AKAP9: variants seen among roughly 807,000 people sequenced by gnomAD.
AKAP9 encodes the protein A-kinase anchor protein 9.
Under a neutral mutation model 488.5 loss-of-function variants are expected in AKAP9, and 311 were observed. That is an observed-to-expected ratio of 0.64 (90% CI 0.58 to 0.70). The LOEUF (loss-of-function observed/expected upper bound fraction) is 0.70. Ranked by LOEUF, AKAP9 falls within the 30% of genes least tolerant of loss-of-function variation. The pLI, the probability that AKAP9 is intolerant of heterozygous loss-of-function variation, is 0.00. For missense variants in AKAP9, 4,215 were observed against 4,374.5 expected, an observed-to-expected ratio of 0.96 and a Z score of 1.03; for synonymous variants, 1,462 against 1,483.5, an observed-to-expected ratio of 0.99 and a Z score of 0.33.
intron 2 of AKAP9, among the ~76,000 whole-genome samples, chr7:91,975,360 C>G (rs887029385): frequency 2.6e-5 from 4 of 152,054 alleles, no homozygotes; most frequent in Admixed American, 6.6e-5. Flanking sequence ...CATTTTACTG[C>G]TATTCTAAAT....
intron 8 of AKAP9, among the ~76,000 whole-genome samples, chr7:92,010,188 C>T (rs1254853962): frequency 1.3e-5 from 2 of 152,082 alleles, no homozygotes; most frequent in Admixed American, 6.5e-5. Context: ...CTTGGGAGGC[C>T]GGGAGGTTTG....
intron 36 of AKAP9, 35 bp downstream of exon 36, chr7:92,085,721 A>C: frequency 6.8e-7 from 1 of 1,473,590 alleles, no homozygotes; most frequent in Non-Finnish European, 9.4e-7. Flanking sequence ...AAATCATTTT[A>C]TGTATTATTT....
intron 1 of AKAP9, among the ~76,000 whole-genome samples, chr7:91,955,434 C>G (rs976148849): frequency 6.6e-5 from 10 of 152,200 alleles, no homozygotes; most frequent in African/African-American, 2.4e-4. Context: ...CTTGAGGTAC[C>G]TATAGTTCTA....
intron 15 of AKAP9, 45 bp downstream of exon 15, chr7:92,030,036 AT>A (rs759300255): frequency 1.1e-5 from 14 of 1,280,076 alleles, no homozygotes; most frequent in Non-Finnish European, 1.5e-5. Context: ...ATATACACTG[AT>A]TTTTCTATCA....
intron 37 of AKAP9, among the ~76,000 whole-genome samples, chr7:92,086,951 T>G (rs1814666623): frequency 6.6e-6 from 1 of 152,210 alleles, no homozygotes; most frequent in Admixed American, 6.5e-5. Context: ...CATCACAGCC[T>G]TCTCGTACTT....
rs144269839 is a variant in AKAP9 at position 92,045,096 on chromosome 7, C to T, written c.5251C>T (p.Arg1751Cys). 2.8e-5 allele frequency: 45 copies of T among 1,613,162 alleles called. No homozygotes were observed. The highest frequency in any genetic ancestry group is 3.3e-4 in the Middle Eastern group (2 of 6,084). Residue 1751 changes from arginine (R) to cysteine (C), a missense_variant, in exon 21 of 50, where the codon CGC (arginine) becomes TGC (cysteine). By Grantham distance (180) the Arg-to-Cys change is radical (BLOSUM62 -3). Around this residue, in one of 5 missense-constraint regions of AKAP9, gnomAD observed 2,361 missense variants for 2,430.0 expected, o/e 0.97. Coordinates refer to ENST00000356239, the MANE Select transcript of AKAP9 (RefSeq NM_005751.5). The part of the protein sequence containing the change: ...TTAAVEETIG[R>C]HVLGILDRSS... ...AGCAGCTGTTGAAGAAACAATTGGTCGCCATGTCCTTGGGATTCTAGATAG... is the reference window on the plus strand; with the variant it reads ...AGCAGCTGTTGAAGAAACAATTGGTTGCCATGTCCTTGGGATTCTAGATAG...
rs2130789902 is a variant in AKAP9, at chr7:92,045,047, C to G, written c.5202C>G (p.Ile1734Met). Residue 1734 changes from isoleucine (I) to methionine (M), a missense_variant, in exon 21 of 50, where the codon ATC becomes ATG. By Grantham distance (10) the Ile-to-Met change is conservative. Transcript: ENST00000356239. ...AAGCTAATAATAGACTTTTGAAGAT[C>G]CTCTTAGAAGTTGTAAAGACAACAG... is the stretch of plus-strand genomic sequence containing the variant. ...LQKANNRLLK[I>M]LLEVVKTTAA... 6.2e-7 allele frequency: 1 copy of G among 1,613,362 alleles called. No homozygotes were observed. Among genetic ancestry groups the G allele is most frequent in the East Asian group, 2.2e-5 (1 of 44,864 alleles).
Position 92,102,844 on chromosome 7 carries a change from A to G in AKAP9, c.11330+18A>G. ...ATTTCCAGGTAAAGACTTGAAGGAA[A>G]ATGCATTTTACTAGTAGACTCTCTA... is the stretch of plus-strand genomic sequence containing the variant. On this transcript the variant is annotated intron_variant, in intron 46 of 49. Transcript: ENST00000356239. The G allele has an allele frequency of 6.3e-7, 1 of 1,599,218 alleles. No homozygotes were observed. The highest frequency in any genetic ancestry group is 1.1e-5 in the South Asian group (1 of 90,782).
chr7:91,994,520 A>G (rs1798151180), intron 5 of AKAP9, 101 bp from the exon 6 acceptor site: 1 of 994,448 alleles, frequency 1.0e-6, no homozygotes, highest in South Asian at 1.6e-5. Flanking sequence ...TACAAAGTGT[A>G]AGAATTATGC....
intron 40 of AKAP9, among the ~76,000 whole-genome samples, chr7:92,095,870 A>G (rs368096276): frequency 2.0e-5 from 3 of 152,136 alleles, no homozygotes; most frequent in African/African-American, 7.2e-5. Context: ...ATATCTCCCT[A>G]GGTACCAATT....
In AKAP9 at chr7:92,099,860, T is replaced by C. The variant is rs761734539; in HGVS notation, c.10887T>C (p.Gly3629=). The change falls in exon 44 of 50, where the codon GGT becomes GGC. Residue 3629 remains glycine, a synonymous_variant. Coordinates refer to ENST00000356239, the MANE Select transcript of AKAP9 (RefSeq NM_005751.5). The part of the protein sequence containing the change: ...QIRWYRQTGA[G]RDNSSRFSLN... The stretch of plus-strand genomic sequence containing the variant: ...GGTGGTATCGACAGACAGGAGCTGG[T>C]AGAGATAATGTATGTCCATTTTTAG... 57 of 1,613,830 alleles carry C rather than the reference T, an allele frequency of 3.5e-5. No homozygotes were observed. Among genetic ancestry groups the C allele is most frequent in the Non-Finnish European group, 4.7e-5 (55 of 1,179,882 alleles).
At chr7:91,989,229 G>T (rs958283164) in intron 3 of AKAP9, among the ~76,000 whole-genome samples, 3 of 152,050 alleles carry the variant, frequency 2.0e-5, no homozygotes, top group Non-Finnish European at 4.4e-5. Flanking sequence ...TATATTGTGG[G>T]TTTAATGTTC....
Position 92,069,230 on chromosome 7 carries a change from T to C in AKAP9, c.6331-800T>C, listed in dbSNP as rs556568981. Among the ~76,000 whole-genome samples, 11 of 152,352 alleles carry C rather than the reference T, an allele frequency of 7.2e-5. No individual in the cohort carries two copies. In the South Asian group the frequency reaches 2.3e-3, roughly 32 times the overall value. ...TAAAAGATTTATTTAGGTCATTTTA[T>C]CTCATACAAGAGTAAATCAGTACCT... On this transcript the variant is annotated intron_variant, in intron 26 of 49. Coordinates refer to ENST00000356239, the MANE Select transcript of AKAP9 (RefSeq NM_005751.5).
At chr7:92,034,496 ATATT>A (rs1283172466) in intron 16 of AKAP9, among the ~76,000 whole-genome samples, 214 of 104,214 alleles carry the variant, frequency 2.1e-3, no homozygotes, top group African/African-American at 8.2e-3. Context: ...ATATATATAT[ATATT>A]TTTTTTTTTT....
At position 92,086,481 on chromosome 7, in the gene AKAP9, G is replaced by A. The variant is rs538333695; in HGVS notation, c.9213+65G>A. The stretch of plus-strand genomic sequence containing the variant: ...TAAGGAAATGACTATTGATTTTAGA[G>A]TCTTAATTTAAGTATGAAGGTTAAG... On this transcript the variant is annotated intron_variant, in intron 37 of 49. Coordinates refer to ENST00000356239, the MANE Select transcript of AKAP9 (RefSeq NM_005751.5). The A allele has an allele frequency of 1.4e-4, 191 of 1,345,162 alleles. 2 individuals carry two copies. In the South Asian group the frequency reaches 2.2e-3, roughly 16 times the overall value. The allele number at this position is 1,345,162 out of a possible 1,614,324, so 83.3% of individuals were successfully genotyped here.
At chr7:91,949,098 AT>A (rs995141419) in intron 1 of AKAP9, among the ~76,000 whole-genome samples, 8 of 151,962 alleles carry the variant, frequency 5.3e-5, no homozygotes, top group Non-Finnish European at 1.0e-4. Flanking sequence ...TCCCTTGCCC[AT>A]TTTTTAATTG....
In AKAP9 at chr7:92,110,416, A is replaced by G. The variant is rs1819151783; in HGVS notation, c.*257A>G. ...GCTAATTTAAAACATTAAATTATAA[A>G]CCTTGTGTATTTATCAAATGGGTGA... On this transcript the variant is annotated 3_prime_UTR_variant, in exon 50 of 50. Transcript: ENST00000356239. 4.0e-6 allele frequency: 2 copies of G among 498,088 alleles called. No homozygotes were observed. Among genetic ancestry groups the G allele is most frequent in the Non-Finnish European group, 7.2e-6 (2 of 277,220 alleles). The allele number at this position is 498,088 out of a possible 1,614,324, so 30.9% of individuals were successfully genotyped here.
At chr7:92,061,612 A>C (rs1166855519) in intron 23 of AKAP9, among the ~76,000 whole-genome samples, 190 bp downstream of exon 23, 1 of 142,574 alleles carries the variant, frequency 7.0e-6, no homozygotes, top group Non-Finnish European at 1.5e-5. Flanking sequence ...ATATATATAT[A>C]TATATATAAA....
At chr7:92,047,392 T>C (rs1483825374) in intron 21 of AKAP9, among the ~76,000 whole-genome samples, 2 of 152,184 alleles carry the variant, frequency 1.3e-5, no homozygotes, top group Non-Finnish European at 2.9e-5. Flanking sequence ...AATATTTTTG[T>C]ATTTTTAGTA....
Sources: gnomAD v4.1 joint callset for allele counts (sites outside exome capture counted in the v4.1 genomes callset) on GRCh38, gnomAD v4.1.1 for gene constraint, gnomAD v4.1.1 regional missense constraint, MANE v1.5 for transcripts, NCBI Gene and HGNC (gene_info 2026-07-23, HGNC 2026-07-21) for gene names.